The following GIMAP2 variants were observed in gnomAD, a reference collection of about 807,000 sequenced individuals.
The protein encoded by GIMAP2 is GTPase, IMAP family member 2.
GIMAP2 carries 22 observed loss-of-function variants against 25.5 expected under a neutral mutation model. The ratio of observed to expected loss-of-function variants is 0.86; its 90% confidence interval spans 0.62 to 1.23. The LOEUF is 1.23. Ranked by LOEUF, GIMAP2 falls within the 50% of genes most tolerant of loss-of-function variation. GIMAP2 has a pLI of 0.00. For synonymous variants in GIMAP2, 167 were observed against 143.0 expected, an observed-to-expected ratio of 1.17 and a Z score of -1.20; for missense variants, 422 against 395.7, an observed-to-expected ratio of 1.07 and a Z score of -0.56.
intron 2 of GIMAP2, among the ~76,000 whole-genome samples, chr7:150,690,370 G>C (rs1319659284): frequency 6.6e-6 from 1 of 152,160 alleles, no homozygotes; most frequent in Non-Finnish European, 1.5e-5. Flanking sequence ...ATTCTTCTGA[G>C]TAGACTAGTG....
intron 2 of GIMAP2, chr7:150,689,809 G>C: frequency 7.6e-6 from 3 of 396,824 alleles, no homozygotes. Context: ...TCAAATGCCA[G>C]CTTTTTCATT....
intron 2 of GIMAP2, among the ~76,000 whole-genome samples, chr7:150,688,466 G>A (rs1381586806): frequency 1.3e-5 from 2 of 152,098 alleles, no homozygotes; most frequent in Non-Finnish European, 2.9e-5. Context: ...TCAGGCAGTT[G>A]CCTTTCTGAT....
In GIMAP2 at chr7:150,692,633, G is replaced by A. The variant is rs1796980430; in HGVS notation, c.347G>A (p.Gly116Asp). Residue 116 changes from glycine (G) to aspartate (D), a missense_variant, in exon 3 of 3, where the codon GGC becomes GAC. By Grantham distance (94) the Gly-to-Asp change is moderately conservative. Coordinates refer to ENST00000223293, the MANE Select transcript of GIMAP2 (RefSeq NM_015660.3). Reference protein sequence around the residue: ...PHVLLLVTQLGRYTSQDQQAA... With the variant: ...PHVLLLVTQLDRYTSQDQQAA... ...GTGCTGCTCCTGGTGACTCAGCTGG[G>A]CCGCTATACCTCACAGGACCAGCAG... 1 of 1,614,144 alleles carries A rather than the reference G, an allele frequency of 6.2e-7. No homozygotes were observed. Among genetic ancestry groups the A allele is most frequent in the Non-Finnish European group, 8.5e-7 (1 of 1,180,014 alleles).
At position 150,688,075 on chromosome 7, in the gene GIMAP2, C is replaced by CT. The variant is rs200580208; in HGVS notation, c.28+997dup. 7.4e-3 allele frequency among the ~76,000 whole-genome samples: 1,127 copies of CT among 151,800 alleles called. 17 individuals are homozygous for CT. The highest frequency in any genetic ancestry group is 0.026 in the African/African-American group (1,087 of 41,386). On this transcript the variant is annotated intron_variant, in intron 2 of 2. Transcript: ENST00000223293. ...ACTCTGAGATCCAAATGAGAAACAA[C>CT]TTTTTTTTTCCTCCCAGCCACTGAC...
At chr7:150,690,198 A>G (rs1796950258) in intron 2 of GIMAP2, among the ~76,000 whole-genome samples, 1 of 152,176 alleles carries the variant, frequency 6.6e-6, no homozygotes, top group African/African-American at 2.4e-5. Flanking sequence ...TACAAGAGAC[A>G]TTGGCTCCTG....
At position 150,693,291 on chromosome 7, in the gene GIMAP2, T is replaced by C. The variant is rs1563356272; in HGVS notation, c.1005T>C (p.Pro335=). The C allele has an allele frequency of 1.3e-6, 2 of 1,550,398 alleles. No individual in the cohort carries two copies. The highest frequency in any genetic ancestry group is 1.2e-5 in the South Asian group (1 of 83,188). Residue 335 remains proline (P), a synonymous_variant, in exon 3 of 3, where the codon CCT becomes CCC. Transcript: ENST00000223293. ...TTATTAGACTAGAACGCAAGACTCCTAGGTTATAGTTACAGATCCCAGTTA... is the reference window on the plus strand; with the variant it reads ...TTATTAGACTAGAACGCAAGACTCCCAGGTTATAGTTACAGATCCCAGTTA... ...RTVIRLERKT[P]RL is the part of the protein sequence containing the mutation.
At chr7:150,687,813 C>T (rs963668243) in intron 2 of GIMAP2, among the ~76,000 whole-genome samples, 10 of 146,326 alleles carry the variant, frequency 6.8e-5, no homozygotes, top group Admixed American at 5.5e-4. Flanking sequence ...CCTCTTCTTG[C>T]ACCTGTTTCT....
intron 2 of GIMAP2, among the ~76,000 whole-genome samples, chr7:150,689,102 C>G (rs1055328708): frequency 6.6e-6 from 1 of 152,208 alleles, no homozygotes; most frequent in South Asian, 2.1e-4. Context: ...CTCTAGTCAG[C>G]CTTCAAAATT....
rs776096569 is a variant in GIMAP2 at position 150,693,144 on chromosome 7, G to A, written c.858G>A (p.Leu286=). 4 of 1,613,492 alleles carry A rather than the reference G, an allele frequency of 2.5e-6. No homozygotes were observed. Among genetic ancestry groups the A allele is most frequent in the Non-Finnish European group, 3.4e-6 (4 of 1,179,588 alleles). The part of the protein sequence containing the change: ...CIQLFLRLII[L]WLCILHSMCN... ...AGTTGTTTCTCAGATTGATAATTCT[G>A]TGGCTTTGCATACTGCACAGCATGT... The change falls in exon 3 of 3, where the codon CTG becomes CTA. Residue 286 remains leucine (L), a synonymous_variant. Transcript: ENST00000223293.
chr7:150,692,324 C>G lies in GIMAP2; in HGVS notation c.38C>G (p.Ala13Gly). ...AACTTGCTCCTCACAGGACCACATG[C>G]AAAGGGCCAATGTGCCAGCAGATCT... ...QNEHSHWGPH[A>G]KGQCASRSEL... Residue 13 changes from alanine (A) to glycine (G), a missense_variant, in exon 3 of 3, where the codon GCA becomes GGA. By Grantham distance (60) the Ala-to-Gly change is moderately conservative. Coordinates refer to ENST00000223293, the MANE Select transcript of GIMAP2 (RefSeq NM_015660.3). 1 of 1,613,200 alleles carries G rather than the reference C, an allele frequency of 6.2e-7. No homozygotes were observed. The highest frequency in any genetic ancestry group is 8.5e-7 in the Non-Finnish European group (1 of 1,179,244).
rs753743840 is a variant in GIMAP2 at position 150,692,669 on chromosome 7, G to T, written c.383G>T (p.Arg128Met). ...YTSQDQQAAQ[R>M]VKEIFGEDAM... Reference sequence around the variant, plus strand: ...TCACAGGACCAGCAGGCTGCACAGAGGGTGAAGGAGATCTTTGGAGAGGAT... The same window carrying T: ...TCACAGGACCAGCAGGCTGCACAGATGGTGAAGGAGATCTTTGGAGAGGAT... The change falls in exon 3 of 3, where the codon AGG (arginine) becomes ATG (methionine). Residue 128 changes from arginine (R) to methionine (M), a missense_variant. Arg to Met is a moderately conservative substitution (Grantham distance 91). Transcript: ENST00000223293. The T allele has an allele frequency of 1.2e-6, 2 of 1,614,120 alleles. No individual in the cohort carries two copies. Among genetic ancestry groups the T allele is most frequent in the Non-Finnish European group, 1.7e-6 (2 of 1,180,054 alleles).
rs1796988203 is a variant in GIMAP2 at position 150,693,072 on chromosome 7, A to G, written c.786A>G (p.Leu262=). The G allele has an allele frequency of 6.2e-7, 1 of 1,614,094 alleles. No individual in the cohort carries two copies. The highest frequency in any genetic ancestry group is 8.5e-7 in the Non-Finnish European group (1 of 1,179,888). Residue 262 remains leucine, a synonymous_variant, in exon 3 of 3, where the codon CTA becomes CTG. Transcript: ENST00000223293. ...CAGCCTTGGCTGAAGCAAACTGCCTAAAAGGAGCCTTAATCAAAACACAAC... is the reference window on the plus strand; with the variant it reads ...CAGCCTTGGCTGAAGCAAACTGCCTGAAAGGAGCCTTAATCAAAACACAAC... ...SYTALAEANC[L]KGALIKTQLC... is the part of the protein sequence containing the mutation.
At chr7:150,686,779 A>T (rs1796904854) in intron 1 of GIMAP2, among the ~76,000 whole-genome samples, 1 of 151,832 alleles carries the variant, frequency 6.6e-6, no homozygotes, top group South Asian at 2.1e-4. Context: ...CCCTGTCTCT[A>T]CTAAAACTAC....
Position 150,685,770 on chromosome 7 carries a change from T to C in GIMAP2, c.-24T>C, listed in dbSNP as rs755215134. The stretch of plus-strand genomic sequence containing the variant: ...ACTGAACAGGGAGCCAACTGTTTCT[T>C]TGAACAGTAAATCAGGTAAGCCCAG... On this transcript the variant is annotated 5_prime_UTR_variant, in exon 1 of 3. Transcript: ENST00000223293. 2.3e-5 allele frequency: 23 copies of C among 981,122 alleles called. No individual in the cohort carries two copies. Among genetic ancestry groups the C allele is most frequent in the Non-Finnish European group, 2.7e-5 (22 of 826,080 alleles). The allele number at this position is 981,122 out of a possible 1,614,324, so 60.8% of individuals were successfully genotyped here. A position where few individuals can be genotyped will look rare whatever the true frequency, so the allele number is the denominator to read the frequency against.
intron 2 of GIMAP2, among the ~76,000 whole-genome samples, chr7:150,687,840 G>T (rs1007428103): frequency 9.9e-5 from 8 of 80,410 alleles, no homozygotes; most frequent in Non-Finnish European, 2.1e-4. Flanking sequence ...TGTATGGTAT[G>T]GGCGTCTCTC....
In GIMAP2 at chr7:150,692,952, A is replaced by G. The variant is rs139270881; in HGVS notation, c.666A>G (p.Ile222Met). ...DHYTNGLYSLIQRSKCGPVGS... is the reference protein window; with the variant it reads ...DHYTNGLYSLMQRSKCGPVGS... ...ATACCAATGGGTTGTACAGCCTAAT[A>G]CAGAGGTCTAAATGTGGACCTGTGG... Residue 222 changes from isoleucine to methionine, a missense_variant, in exon 3 of 3, where the codon ATA becomes ATG. Physicochemically the swap from Ile to Met is conservative, Grantham distance 10. Coordinates refer to ENST00000223293, the MANE Select transcript of GIMAP2 (RefSeq NM_015660.3). 2.6e-4 allele frequency: 421 copies of G among 1,614,154 alleles called. 3 individuals carry two copies. In the African/African-American group the frequency reaches 4.9e-3, roughly 19 times the overall value.
Position 150,692,636 on chromosome 7 carries a change from G to T in GIMAP2, c.350G>T (p.Arg117Leu). 1 of 1,614,104 alleles carries T rather than the reference G, an allele frequency of 6.2e-7. No individual in the cohort carries two copies. The part of the protein sequence containing the change: ...HVLLLVTQLG[R>L]YTSQDQQAAQ... ...CTGCTCCTGGTGACTCAGCTGGGCCGCTATACCTCACAGGACCAGCAGGCT... is the reference window on the plus strand; with the variant it reads ...CTGCTCCTGGTGACTCAGCTGGGCCTCTATACCTCACAGGACCAGCAGGCT... Residue 117 changes from arginine (R) to leucine (L), a missense_variant, in exon 3 of 3, where the codon CGC becomes CTC. Physicochemically the swap from Arg to Leu is moderately radical, Grantham distance 102. Coordinates refer to ENST00000223293, the MANE Select transcript of GIMAP2 (RefSeq NM_015660.3).
chr7:150,692,055 A>G (rs1796970624), intron 2 of GIMAP2, among the ~76,000 whole-genome samples: 1 of 113,376 alleles, frequency 8.8e-6, no homozygotes, highest in South Asian at 3.4e-4. Flanking sequence ...GTCTCTACTA[A>G]AACTACCAAA....
At position 150,692,655 on chromosome 7, in the gene GIMAP2, G is replaced by A. The variant is rs1796980849; in HGVS notation, c.369G>A (p.Gln123=). The change falls in exon 3 of 3, where the codon CAG becomes CAA. Residue 123 remains glutamine, a synonymous_variant. Transcript: ENST00000223293. ...TGGGCCGCTATACCTCACAGGACCA[G>A]CAGGCTGCACAGAGGGTGAAGGAGA... ...TQLGRYTSQD[Q]QAAQRVKEIF... is the part of the protein sequence containing the mutation. 1 of 1,614,218 alleles carries A rather than the reference G, an allele frequency of 6.2e-7. No individual in the cohort carries two copies. The highest frequency in any genetic ancestry group is 1.1e-5 in the South Asian group (1 of 91,086).
Sources: gnomAD v4.1 joint callset for allele counts (sites outside exome capture counted in the v4.1 genomes callset) on GRCh38, gnomAD v4.1.1 for gene constraint, MANE v1.5 for transcripts, NCBI Gene and HGNC (gene_info 2026-07-23, HGNC 2026-07-21) for gene names.